PDSS2: variants seen among roughly 807,000 people sequenced by gnomAD.
The protein encoded by PDSS2 is decaprenyl diphosphate synthase subunit 2.
In PDSS2, 31 loss-of-function variants were observed where a neutral mutation model predicts 44.5. That is an observed-to-expected ratio of 0.70 (90% confidence interval 0.52 to 0.94). PDSS2 has a LOEUF of 0.94. Among genes scored for constraint, PDSS2 ranks in the 40% least tolerant of loss-of-function variants. PDSS2 has a pLI of 0.00. For missense variants in PDSS2, 452 were observed against 482.2 expected (o/e 0.94, Z 0.59); for synonymous variants, 157 against 180.3 (o/e 0.87, Z 1.03).
At chr6:107,211,513 C>A (rs912646232) in intron 5 of PDSS2, among the ~76,000 whole-genome samples, 1 of 151,882 alleles carries the variant, frequency 6.6e-6, no homozygotes, top group Non-Finnish European at 1.5e-5. Context: ...GGGCAGATCA[C>A]GAGGTCAGGA....
chr6:107,220,134 T>C (rs1281932043), intron 4 of PDSS2, among the ~76,000 whole-genome samples: 1 of 60,616 alleles, frequency 1.6e-5, no homozygotes, highest in Non-Finnish European at 2.8e-5. Context: ...GAAAATGTTC[T>C]AAAAATGATT....
chr6:107,417,524 C>T (rs535432578), intron 1 of PDSS2, among the ~76,000 whole-genome samples: 2 of 152,206 alleles, frequency 1.3e-5, no homozygotes, highest in African/African-American at 2.4e-5. Flanking sequence ...TTGGGGAGGC[C>T]GAGGCAGCTG....
At chr6:107,279,272 C>T (rs1353260854) in intron 2 of PDSS2, among the ~76,000 whole-genome samples, 1 of 151,990 alleles carries the variant, frequency 6.6e-6, no homozygotes, top group Non-Finnish European at 1.5e-5. Context: ...AATAGTAGAT[C>T]GTTGGGGAGG....
chr6:107,420,522 T>C (rs930134542), intron 1 of PDSS2, among the ~76,000 whole-genome samples: 3 of 152,164 alleles, frequency 2.0e-5, no homozygotes, highest in Non-Finnish European at 4.4e-5. Flanking sequence ...AGTGGATAAA[T>C]ACAAATACAC....
chr6:107,320,571 C>A (rs1385808833), intron 2 of PDSS2, among the ~76,000 whole-genome samples: 1 of 152,058 alleles, frequency 6.6e-6, no homozygotes, highest in Non-Finnish European at 1.5e-5. Context: ...AAAAAAGGTT[C>A]TTGTGTCAAA....
rs527474736 is a variant in PDSS2 at position 107,431,310 on chromosome 6, T to C, written c.296+27680A>G. Among the ~76,000 whole-genome samples the C allele has an allele frequency of 2.0e-5, 3 of 152,324 alleles. No individual in the cohort carries two copies. In the East Asian group the frequency reaches 5.8e-4, roughly 29 times the overall value. On this transcript the variant is annotated intron_variant, in intron 1 of 7. Transcript: ENST00000369037. ...CTCTGCTGCCTAGGCTGGAGTGCAGTAGCGCAATCATGGCTCACTACAGCC... is the reference window on the plus strand; with the variant it reads ...CTCTGCTGCCTAGGCTGGAGTGCAGCAGCGCAATCATGGCTCACTACAGCC...
At chr6:107,251,574 G>A (rs1301768151) in intron 3 of PDSS2, among the ~76,000 whole-genome samples, 3 of 152,110 alleles carry the variant, frequency 2.0e-5, no homozygotes, top group African/African-American at 7.2e-5. Flanking sequence ...TCCACCCCCA[G>A]GAACAAACAG....
intron 3 of PDSS2, among the ~76,000 whole-genome samples, chr6:107,269,441 A>G (rs568963869): frequency 6.6e-6 from 1 of 151,596 alleles, no homozygotes; most frequent in Admixed American, 6.6e-5. Context: ...TCAAATCGCA[A>G]CTACAGAACT....
chr6:107,366,722 G>A (rs1315641222), intron 1 of PDSS2, among the ~76,000 whole-genome samples: 1 of 151,812 alleles, frequency 6.6e-6, no homozygotes, highest in Non-Finnish European at 1.5e-5. Context: ...CAAACCAGAT[G>A]ACTTAGATAA....
chr6:107,365,941 T>C (rs763450467), intron 1 of PDSS2, among the ~76,000 whole-genome samples: 3 of 151,570 alleles, frequency 2.0e-5, no homozygotes, highest in Non-Finnish European at 4.4e-5. Flanking sequence ...TCAGGAAAAA[T>C]AGTTGGAGAA....
At chr6:107,429,926 A>G (rs1167241243) in intron 1 of PDSS2, among the ~76,000 whole-genome samples, 1 of 125,796 alleles carries the variant, frequency 7.9e-6, no homozygotes, top group Non-Finnish European at 1.7e-5. Flanking sequence ...ATATATATAT[A>G]TATATATATA....
chr6:107,210,011 C>A (rs1024069570), intron 6 of PDSS2, among the ~76,000 whole-genome samples: 1 of 151,922 alleles, frequency 6.6e-6, no homozygotes, highest in Non-Finnish European at 1.5e-5. Flanking sequence ...AACAAGTATT[C>A]AGGGTCCAAG....
At chr6:107,358,928 A>G (rs1778672425) in intron 1 of PDSS2, among the ~76,000 whole-genome samples, 1 of 151,176 alleles carries the variant, frequency 6.6e-6, no homozygotes, top group Non-Finnish European at 1.5e-5. Context: ...GCAGACTACT[A>G]TCTTTTGATT....
chr6:107,208,841 G>A lies in PDSS2; in HGVS notation c.1008+1598C>T, dbSNP rs561000275. 2.0e-5 allele frequency among the ~76,000 whole-genome samples: 3 copies of A among 151,952 alleles called. No homozygotes were observed. The East Asian group carries it at 5.8e-4, about 29-fold the overall frequency. On this transcript the variant is annotated intron_variant, in intron 6 of 7. Coordinates refer to ENST00000369037, the MANE Select transcript of PDSS2 (RefSeq NM_020381.4). ...CTCCCAAAGTGTTGGGATTACAGGT[G>A]TGAGCCACTGTGCCCAGCCTGGCCT...
intron 7 of PDSS2, among the ~76,000 whole-genome samples, chr6:107,179,288 C>CTT (rs966746535): frequency 6.8e-6 from 1 of 146,046 alleles, no homozygotes; most frequent in Non-Finnish European, 1.5e-5. Flanking sequence ...CCTTCTTCTT[C>CTT]TTTTTTTTTT....
chr6:107,318,383 A>T (rs918951636), intron 2 of PDSS2, among the ~76,000 whole-genome samples: 5 of 152,198 alleles, frequency 3.3e-5, no homozygotes, highest in African/African-American at 1.2e-4. Flanking sequence ...GAGCTCCAGA[A>T]GATCCCAGGT....
intron 4 of PDSS2, among the ~76,000 whole-genome samples, chr6:107,234,397 G>A (rs779956381): frequency 2.0e-5 from 3 of 151,860 alleles, no homozygotes; most frequent in African/African-American, 4.8e-5. Flanking sequence ...TAGCGACGGC[G>A]TTTCACCATG....
chr6:107,435,055 T>C (rs895993807), intron 1 of PDSS2, among the ~76,000 whole-genome samples: 4 of 151,964 alleles, frequency 2.6e-5, no homozygotes, highest in South Asian at 4.2e-4. Context: ...GGCAGGAGGA[T>C]TGGTTGAGCC....
chr6:107,284,078 G>T (rs1776059622), intron 2 of PDSS2, among the ~76,000 whole-genome samples: 1 of 150,616 alleles, frequency 6.6e-6, no homozygotes, highest in Admixed American at 6.6e-5. Context: ...AATAAAATAG[G>T]AGAAGAATTG....
Sources: gnomAD v4.1 joint callset for allele counts (sites outside exome capture counted in the v4.1 genomes callset) on GRCh38, gnomAD v4.1.1 for gene constraint, MANE v1.5 for transcripts, NCBI Gene and HGNC (gene_info 2026-07-23, HGNC 2026-07-21) for gene names.